Variants in LRSAM1 observed in about 807,000 individuals in gnomAD.
LRSAM1 encodes E3 ubiquitin-protein ligase LRSAM1.
In LRSAM1, 96 loss-of-function variants were observed where a neutral mutation model predicts 118.1. The observed-to-expected ratio is 0.81, with a 90% CI of 0.69 to 0.96. The LOEUF (loss-of-function observed/expected upper bound fraction) is 0.96, where lower values mean the gene tolerates loss of function less well. Ranked by LOEUF, LRSAM1 falls within the 40% of genes least tolerant of loss-of-function variation. The pLI is 0.00. For synonymous variants in LRSAM1, 322 were observed against 364.2 expected, an observed-to-expected ratio of 0.88 and a Z score of 1.32; for missense variants, 804 against 915.5, an observed-to-expected ratio of 0.88 and a Z score of 1.57.
At chr9:127,473,716 GGCT>G in intron 10 of LRSAM1, 82 bp from the exon 11 acceptor site, 1 of 1,597,840 alleles carries the variant, frequency 6.3e-7, no homozygotes, top group South Asian at 1.1e-5. Flanking sequence ...GGGTGGGGCC[GGCT>G]GCCCTGGCAG....
rs1834373044 is a variant in LRSAM1, at chr9:127,452,789, C to G, written c.-33+705C>G. Among the ~76,000 whole-genome samples, 3 of 152,306 alleles carry G rather than the reference C, an allele frequency of 2.0e-5. No individual in the cohort carries two copies. The South Asian group carries it at 6.2e-4, about 32-fold the overall frequency. Reference sequence around the variant, plus strand: ...ATTCAAACCCAGTTCTCTTTTCATCCCAAAGCCTGTGCTGCTCACCATGCA... The same window carrying G: ...ATTCAAACCCAGTTCTCTTTTCATCGCAAAGCCTGTGCTGCTCACCATGCA... On this transcript the variant is annotated intron_variant, in intron 2 of 25. Transcript: ENST00000300417.
intron 11 of LRSAM1, among the ~76,000 whole-genome samples, chr9:127,475,960 G>A (rs865872035): frequency 3.9e-5 from 6 of 152,152 alleles, no homozygotes; most frequent in South Asian, 2.1e-4. Flanking sequence ...GGCTGGTCAC[G>A]AACTCCTGAC....
At chr9:127,477,770 G>A (rs112619826) in intron 11 of LRSAM1, among the ~76,000 whole-genome samples, 7,362 of 131,214 alleles carry the variant, frequency 0.056, 593 homozygotes, top group African/African-American at 0.19. Context: ...TGTGTGGGCC[G>A]GGCGCAGTGG....
chr9:127,487,950 GTCT>G (rs980120601), intron 18 of LRSAM1, among the ~76,000 whole-genome samples, 187 bp downstream of exon 18: 4 of 152,066 alleles, frequency 2.6e-5, no homozygotes, highest in African/African-American at 9.7e-5. Flanking sequence ...CCGGGGGATG[GTCT>G]TCTGGTCACT....
intron 15 of LRSAM1, among the ~76,000 whole-genome samples, chr9:127,482,386 G>A (rs556899375): frequency 1.1e-4 from 17 of 152,072 alleles, no homozygotes; most frequent in East Asian, 5.8e-4. Flanking sequence ...CAAGTCATCC[G>A]CCTGCCTCAG....
At chr9:127,497,719 T>G (rs1045017157) in intron 24 of LRSAM1, among the ~76,000 whole-genome samples, 2 of 152,116 alleles carry the variant, frequency 1.3e-5, no homozygotes, top group African/African-American at 4.8e-5. Context: ...GGCATGCCTG[T>G]GGACATGGAG....
chr9:127,454,352 C>G (rs1021228188), intron 2 of LRSAM1, 144 bp from the exon 3 acceptor site: 2 of 706,756 alleles, frequency 2.8e-6, no homozygotes, highest in African/African-American at 1.8e-5. Context: ...CTCCGTGGAA[C>G]TCACTAGGGA....
intron 11 of LRSAM1, among the ~76,000 whole-genome samples, chr9:127,477,908 G>T (rs1302012784): frequency 2.0e-5 from 3 of 152,040 alleles, no homozygotes; most frequent in African/African-American, 7.2e-5. Flanking sequence ...AATCAGCCGG[G>T]TGTGGTGGTG....
Position 127,478,804 on chromosome 9 carries a change from A to T in LRSAM1, c.751-130A>T, listed in dbSNP as rs528463549. The T allele has an allele frequency of 9.2e-5, 80 of 866,702 alleles. No individual in the cohort carries two copies. In the African/African-American group the frequency reaches 1.1e-3, roughly 12 times the overall value. The allele number at this position is 866,702 out of a possible 1,614,324, so 53.7% of individuals were successfully genotyped here. A position where few individuals can be genotyped will look rare whatever the true frequency, so the allele number is the denominator to read the frequency against. On this transcript the variant is annotated intron_variant, in intron 11 of 25. Coordinates refer to ENST00000300417, the MANE Select transcript of LRSAM1 (RefSeq NM_001005373.4). ...GATCCCCTCATCCCCCGACCCCACC[A>T]TTCTGAGGCAGTGGTCTGGGGTGGG...
At position 127,465,298 on chromosome 9, in the gene LRSAM1, C is replaced by A. The variant is rs1200906855; in HGVS notation, c.529-2442C>A. On this transcript the variant is annotated intron_variant, in intron 9 of 25. Coordinates refer to ENST00000300417, the MANE Select transcript of LRSAM1 (RefSeq NM_001005373.4). This position sits in a 1 kb window ranked among gnomAD's most constrained non-coding sequence, Gnocchi z 4.1. ...AATGCTCTATGATCTGTGCAGCCAA[C>A]ATGGCCACCCCAGCCACTTGTAGCT... 6.6e-6 allele frequency among the ~76,000 whole-genome samples: 1 copy of A among 152,232 alleles called. No homozygotes were observed. The highest frequency in any genetic ancestry group is 2.4e-5 in the African/African-American group (1 of 41,456).
At chr9:127,485,649 T>G in intron 16 of LRSAM1, 87 bp from the exon 17 acceptor site, 2 of 1,229,492 alleles carry the variant, frequency 1.6e-6, no homozygotes, top group Non-Finnish European at 2.4e-6. Flanking sequence ...TGTTCCTCAG[T>G]TCCTGTGGAA....
At chr9:127,502,473 T>G (rs1836427701) in intron 25 of LRSAM1, among the ~76,000 whole-genome samples, 1 of 151,472 alleles carries the variant, frequency 6.6e-6, no homozygotes, top group African/African-American at 2.4e-5. Context: ...TCACTTGGGG[T>G]CAGGAGTTCG....
chr9:127,492,397 A>AGGCGCAGGAGT (rs1835963857), intron 20 of LRSAM1, among the ~76,000 whole-genome samples: 1 of 152,182 alleles, frequency 6.6e-6, no homozygotes, highest in Non-Finnish European at 1.5e-5. Flanking sequence ...TTCCAAGAGC[A>AGGCGCAGGAGT]GGCGCAGGAG....
intron 15 of LRSAM1, among the ~76,000 whole-genome samples, chr9:127,481,963 GA>G (rs1322730682): frequency 6.6e-6 from 1 of 150,760 alleles, no homozygotes; most frequent in Admixed American, 6.6e-5. Context: ...AAGAAATTCA[GA>G]AAAAAAATCT....
intron 6 of LRSAM1, among the ~76,000 whole-genome samples, chr9:127,458,668 AGTACCACTGT>A (rs1834618573): frequency 3.3e-5 from 5 of 152,244 alleles, no homozygotes; most frequent in Admixed American, 3.3e-4. Flanking sequence ...TACACTGTGG[AGTACCACTGT>A]CAATATTTTA....
chr9:127,472,296 A>AGT (rs1409434644), intron 10 of LRSAM1, among the ~76,000 whole-genome samples: 6 of 111,956 alleles, frequency 5.4e-5, no homozygotes, highest in African/African-American at 1.8e-4. Flanking sequence ...ACTATGTAGA[A>AGT]GTATATATAT....
At chr9:127,452,550 T>G (rs1446856107) in intron 2 of LRSAM1, among the ~76,000 whole-genome samples, 5 of 152,208 alleles carry the variant, frequency 3.3e-5, no homozygotes, top group African/African-American at 1.2e-4. Flanking sequence ...GGGCCCTGAA[T>G]CAATGTTGCT....
At chr9:127,484,907 A>C (rs1835674810) in intron 16 of LRSAM1, among the ~76,000 whole-genome samples, 1 of 148,440 alleles carries the variant, frequency 6.7e-6, no homozygotes. Flanking sequence ...TCCCGGGTTC[A>C]AGCGATTCTC....
At chr9:127,469,277 C>T (rs1017660880) in intron 10 of LRSAM1, among the ~76,000 whole-genome samples, 10 of 151,768 alleles carry the variant, frequency 6.6e-5, no homozygotes, top group African/African-American at 2.4e-4. Context: ...TGAGACCAGC[C>T]TGGTCAACAT....
Sources: gnomAD v4.1 joint callset for allele counts (sites outside exome capture counted in the v4.1 genomes callset) on GRCh38, gnomAD v4.1.1 for gene constraint, Gnocchi (gnomAD v3.1) non-coding constraint, MANE v1.5 for transcripts, NCBI Gene and HGNC (gene_info 2026-07-23, HGNC 2026-07-21) for gene names.